The following CHCHD6 variants were observed in gnomAD, a reference collection of about 807,000 sequenced individuals.
CHCHD6 encodes the protein MICOS complex subunit MIC25.
A neutral mutation model predicts 32.3 loss-of-function variants in CHCHD6; 28 were observed. That is an observed-to-expected ratio of 0.87 (90% confidence interval 0.64 to 1.19). The LOEUF (loss-of-function observed/expected upper bound fraction) is 1.19, where lower values mean the gene tolerates loss of function less well. Ranked by LOEUF, CHCHD6 falls within the 50% of genes most tolerant of loss-of-function variation. The pLI, the probability that CHCHD6 is intolerant of heterozygous loss-of-function variation, is 0.00. For synonymous variants in CHCHD6, 122 were observed against 117.5 expected, an observed-to-expected ratio of 1.04 and a Z score of -0.25; for missense variants, 333 against 307.0, an observed-to-expected ratio of 1.08 and a Z score of -0.63.
intron 4 of CHCHD6, among the ~76,000 whole-genome samples, chr3:126,763,168 T>A (rs533976051): frequency 2.0e-5 from 3 of 152,256 alleles, no homozygotes; most frequent in African/African-American, 7.2e-5. Flanking sequence ...TTCTGCTGTC[T>A]TCCTTTCCTT....
At chr3:126,806,252 G>A (rs1939371057) in intron 4 of CHCHD6, among the ~76,000 whole-genome samples, 1 of 152,162 alleles carries the variant, frequency 6.6e-6, no homozygotes, top group Non-Finnish European at 1.5e-5. Flanking sequence ...ACTACCATCA[G>A]AGTGAACAGA....
chr3:126,798,579 G>A (rs1184747493), intron 4 of CHCHD6, among the ~76,000 whole-genome samples: 3 of 147,906 alleles, frequency 2.0e-5, no homozygotes, highest in East Asian at 2.0e-4. Context: ...GATGGTACTC[G>A]TTCTGTTACT....
chr3:126,704,265 G>A lies in CHCHD6; in HGVS notation c.-48G>A, dbSNP rs1288477550. The A allele has an allele frequency of 3.3e-6, 5 of 1,508,512 alleles. No individual in the cohort carries two copies. Among genetic ancestry groups the A allele is most frequent in the East Asian group, 2.3e-5 (1 of 44,092 alleles). 93.4% of individuals were successfully genotyped at this position (1,508,512 alleles called of 1,614,324 possible). A position where few individuals can be genotyped will look rare whatever the true frequency, so the allele number is the denominator to read the frequency against. On this transcript the variant is annotated 5_prime_UTR_variant, in exon 1 of 8. Transcript: ENST00000290913. ...AAAGCGTTGTTGGCCCGGTTGCTCTGGAGCCGGGTCTCGGGTCTGGTGGCT... is the reference window on the plus strand; with the variant it reads ...AAAGCGTTGTTGGCCCGGTTGCTCTAGAGCCGGGTCTCGGGTCTGGTGGCT...
intron 5 of CHCHD6, among the ~76,000 whole-genome samples, chr3:126,872,344 T>C (rs540404832): frequency 6.6e-6 from 1 of 152,166 alleles, no homozygotes; most frequent in Non-Finnish European, 1.5e-5. Context: ...GAGTCTAGCC[T>C]GAGCAACATT....
At chr3:126,825,926 C>T (rs1187224010) in intron 4 of CHCHD6, among the ~76,000 whole-genome samples, 1 of 152,182 alleles carries the variant, frequency 6.6e-6, no homozygotes, top group Non-Finnish European at 1.5e-5. Flanking sequence ...TCTAGCAATT[C>T]TGTGCTTCCA....
At chr3:126,905,223 G>T (rs935393514) in intron 5 of CHCHD6, among the ~76,000 whole-genome samples, 16 of 152,192 alleles carry the variant, frequency 1.1e-4, no homozygotes, top group Admixed American at 8.5e-4. Flanking sequence ...TCTAAGCCAG[G>T]GAGACAGGCA....
chr3:126,732,468 A>T (rs1935856351), intron 3 of CHCHD6, among the ~76,000 whole-genome samples: 2 of 152,186 alleles, frequency 1.3e-5, no homozygotes, highest in Non-Finnish European at 2.9e-5. Context: ...CAAATGAAAG[A>T]CTATTTTCTA....
intron 5 of CHCHD6, among the ~76,000 whole-genome samples, chr3:126,893,001 CTCTG>C (rs2077786673): frequency 6.6e-6 from 1 of 151,786 alleles, no homozygotes; most frequent in Non-Finnish European, 1.5e-5. Flanking sequence ...CCGAGTCTTG[CTCTG>C]TCTCCCAGGC....
intron 4 of CHCHD6, among the ~76,000 whole-genome samples, chr3:126,779,535 C>CA (rs11288509): frequency 0.019 from 1,483 of 77,684 alleles, 24 homozygotes; most frequent in South Asian, 0.031. Context: ...GACTCCATCT[C>CA]AAAAAAAAAA....
At chr3:126,928,818 T>C (rs1361378645) in intron 6 of CHCHD6, among the ~76,000 whole-genome samples, 1 of 152,202 alleles carries the variant, frequency 6.6e-6, no homozygotes, top group African/African-American at 2.4e-5. Flanking sequence ...TCCCTGAAAC[T>C]GCAGGCCCCG....
intron 6 of CHCHD6, among the ~76,000 whole-genome samples, chr3:126,937,601 G>A (rs2078499291): frequency 1.3e-5 from 2 of 152,176 alleles, no homozygotes; most frequent in Non-Finnish European, 2.9e-5. Flanking sequence ...TTGTTGCAGA[G>A]GTTTTATGAA....
At chr3:126,750,466 C>G (rs141363590) in intron 4 of CHCHD6, among the ~76,000 whole-genome samples, 44 of 152,348 alleles carry the variant, frequency 2.9e-4, no homozygotes, top group African/African-American at 1.0e-3. Flanking sequence ...TGTTTTCTAC[C>G]AGATCAGACA....
At chr3:126,707,835 C>T (rs932932635) in intron 1 of CHCHD6, among the ~76,000 whole-genome samples, 9 of 152,246 alleles carry the variant, frequency 5.9e-5, no homozygotes, top group East Asian at 5.8e-4. Context: ...TGTGCCAGAG[C>T]GCTGCACCTG....
At chr3:126,913,183 G>A (rs566621549) in intron 5 of CHCHD6, among the ~76,000 whole-genome samples, 1 of 134,322 alleles carries the variant, frequency 7.4e-6, no homozygotes, top group East Asian at 2.3e-4. Context: ...GTAGAACGGG[G>A]ATAATCATGC....
At chr3:126,864,958 T>TCCA in intron 5 of CHCHD6, among the ~76,000 whole-genome samples, 1 of 147,804 alleles carries the variant, frequency 6.8e-6, no homozygotes, top group East Asian at 2.1e-4. Flanking sequence ...CATCTCCTCC[T>TCCA]CCATCACCAC....
intron 6 of CHCHD6, among the ~76,000 whole-genome samples, chr3:126,919,029 T>C (rs1237872166): frequency 6.6e-6 from 1 of 152,202 alleles, no homozygotes; most frequent in Non-Finnish European, 1.5e-5. Context: ...ACATTTTTTA[T>C]AATTGGTTTC....
Position 126,769,612 on chromosome 3 carries a change from C to A in CHCHD6, c.411+36390C>A, listed in dbSNP as rs1039426417. Among the ~76,000 whole-genome samples, 3 of 152,224 alleles carry A rather than the reference C, an allele frequency of 2.0e-5. 1 individual carries two copies. Reference sequence around the variant, plus strand: ...TCTGCCTCCCAGTTCAAATGATTCTCCTGCCTCAGTCTCCCGAGTAGCTGG... The same window carrying A: ...TCTGCCTCCCAGTTCAAATGATTCTACTGCCTCAGTCTCCCGAGTAGCTGG... On this transcript the variant is annotated intron_variant, in intron 4 of 7. Coordinates refer to ENST00000290913, the MANE Select transcript of CHCHD6 (RefSeq NM_032343.3).
At chr3:126,896,013 G>T (rs2077833365) in intron 5 of CHCHD6, among the ~76,000 whole-genome samples, 1 of 152,212 alleles carries the variant, frequency 6.6e-6, no homozygotes. Context: ...CCACCCCGGG[G>T]TCTCTGTGCC....
chr3:126,793,207 A>C (rs1198942729), intron 4 of CHCHD6, among the ~76,000 whole-genome samples: 1 of 152,146 alleles, frequency 6.6e-6, no homozygotes, highest in African/African-American at 2.4e-5. Flanking sequence ...TATACCATTT[A>C]TATTTAATGT....
Sources: gnomAD v4.1 joint callset for allele counts (sites outside exome capture counted in the v4.1 genomes callset) on GRCh38, gnomAD v4.1.1 for gene constraint, MANE v1.5 for transcripts, NCBI Gene and HGNC (gene_info 2026-07-23, HGNC 2026-07-21) for gene names.